The following ZNF212 variants were observed in gnomAD, a reference collection of about 807,000 sequenced individuals.
The protein encoded by ZNF212 is Zinc finger protein C2H2-150.
In ZNF212, 32 loss-of-function variants were observed where a neutral mutation model predicts 47.3. The ratio of observed to expected loss-of-function variants is 0.68; its 90% CI spans 0.51 to 0.91. The LOEUF (loss-of-function observed/expected upper bound fraction) is 0.91, where lower values mean the gene tolerates loss of function less well. Among genes scored for constraint, ZNF212 ranks in the 40% least tolerant of loss-of-function variants. ZNF212 has a pLI of 0.00. For synonymous variants in ZNF212, 242 were observed against 253.8 expected (o/e 0.95, Z 0.44); for missense variants, 555 against 622.8 (o/e 0.89, Z 1.16).
chr7:149,249,719 C>T (rs547872966), intron 1 of ZNF212, among the ~76,000 whole-genome samples: 196 of 152,310 alleles, frequency 1.3e-3, no homozygotes, highest in Non-Finnish European at 1.7e-3. Context: ...CCTCAACCTC[C>T]TGGGCTCAAA....
At chr7:149,250,905 G>A in intron 3 of ZNF212, 98 bp downstream of exon 3, 1 of 1,536,424 alleles carries the variant, frequency 6.5e-7, no homozygotes, top group South Asian at 1.2e-5. Context: ...TCCTGTGGCT[G>A]TGGGTCCTCT....
rs540094435 is a variant in ZNF212, at chr7:149,253,298, G to T, written c.632-261G>T. Among the ~76,000 whole-genome samples the T allele has an allele frequency of 7.9e-5, 12 of 152,278 alleles. No individual in the cohort carries two copies. The East Asian group carries it at 1.5e-3, about 20-fold the overall frequency. ...TTTCACAGGGATTAAATATAAATTTGTAGACAAGCTTGGAGAACTATCATT... is the reference window on the plus strand; with the variant it reads ...TTTCACAGGGATTAAATATAAATTTTTAGACAAGCTTGGAGAACTATCATT... On this transcript the variant is annotated intron_variant, in intron 4 of 4. Transcript: ENST00000335870.
chr7:149,244,405 C>G (rs1001749850), intron 1 of ZNF212, among the ~76,000 whole-genome samples: 1 of 152,080 alleles, frequency 6.6e-6, no homozygotes, highest in African/African-American at 2.4e-5. Flanking sequence ...CTCCGCCTCC[C>G]GGGTTCATGC....
rs1216783093 is a variant in ZNF212, at chr7:149,253,749, T to C, written c.822T>C (p.Val274=). ...GGGACTCTACTCTAGAGGAGCCTGT[T>C]GGTAGTAGAGTTCCTAGCAGCAGCA... The part of the protein sequence containing the change: ...GPGDSTLEEP[V]GSRVPSSSRT... The change falls in exon 5 of 5, where the codon GTT becomes GTC. Residue 274 remains valine, a synonymous_variant. Coordinates refer to ENST00000335870, the MANE Select transcript of ZNF212 (RefSeq NM_012256.4). The C allele has an allele frequency of 1.9e-6, 3 of 1,613,978 alleles. No homozygotes were observed. The highest frequency in any genetic ancestry group is 2.7e-5 in the African/African-American group (2 of 74,922).
Position 149,239,787 on chromosome 7 carries a change from G to A in ZNF212, c.9G>A (p.Glu3=). MA[E]SAPARHRRKR... ...GAGGGGCGACTGGAGCCATGGCGGAGTCGGCGCCTGCTCGGGTAAAGAGGC... is the reference window on the plus strand; with the variant it reads ...GAGGGGCGACTGGAGCCATGGCGGAATCGGCGCCTGCTCGGGTAAAGAGGC... The change falls in exon 1 of 5, where the codon GAG becomes GAA. Residue 3 remains glutamate, a synonymous_variant. Coordinates refer to ENST00000335870, the MANE Select transcript of ZNF212 (RefSeq NM_012256.4). 1.6e-6 allele frequency: 2 copies of A among 1,274,270 alleles called. No homozygotes were observed. The highest frequency in any genetic ancestry group is 2.0e-6 in the Non-Finnish European group (2 of 1,002,496). 78.9% of individuals were successfully genotyped at this position (1,274,270 alleles called of 1,614,324 possible).
rs1317764811 is a variant in ZNF212, at chr7:149,255,117, GCT to G, written c.*706_*707del. On this transcript the variant is annotated 3_prime_UTR_variant, in exon 5 of 5. Transcript: ENST00000335870. ...TAGGTTCCCTCGTGCAGTGCCTGGT[GCT>G]CTCAAATTGTCTCAAAAGGACCAAG... 6.6e-6 allele frequency: 1 copy of G among 152,134 alleles called. No homozygotes were observed. Among genetic ancestry groups the G allele is most frequent in the Non-Finnish European group, 1.5e-5 (1 of 68,062 alleles). 9.4% of individuals were successfully genotyped at this position (152,134 alleles called of 1,614,324 possible).
In ZNF212 at chr7:149,250,707, C is replaced by T. The variant is rs747455275; in HGVS notation, c.441C>T (p.Gly147=). The T allele has an allele frequency of 9.9e-6, 16 of 1,614,154 alleles. No individual in the cohort carries two copies. Among genetic ancestry groups the T allele is most frequent in the Admixed American group, 1.7e-5 (1 of 60,018 alleles). The change falls in exon 3 of 5, where the codon GGC becomes GGT. Residue 147 remains glycine, a synonymous_variant. Coordinates refer to ENST00000335870, the MANE Select transcript of ZNF212 (RefSeq NM_012256.4). ...PKVSRSLEND[G]VCFTEQEWEN... is the part of the protein sequence containing the mutation. ...TGTCCAGGTCACTGGAGAATGATGG[C>T]GTCTGTTTCACCGAGCAGGAATGGG...
chr7:149,241,626 CA>C (rs1319663282), intron 1 of ZNF212, among the ~76,000 whole-genome samples: 1 of 152,158 alleles, frequency 6.6e-6, no homozygotes, highest in East Asian at 1.9e-4. Flanking sequence ...AAACCCTGCA[CA>C]TAAATGCATT....
intron 3 of ZNF212, chr7:149,251,272 C>T: frequency 5.8e-6 from 1 of 173,560 alleles, no homozygotes; most frequent in Non-Finnish European, 1.2e-5. Flanking sequence ...GCAACCTCTG[C>T]CTCACAGGTT....
intron 1 of ZNF212, among the ~76,000 whole-genome samples, chr7:149,244,881 G>T (rs1206328484): frequency 6.6e-6 from 1 of 152,158 alleles, no homozygotes; most frequent in Non-Finnish European, 1.5e-5. Flanking sequence ...ACTTGACAGA[G>T]AGTGGAGCAG....
chr7:149,246,369 T>C (rs1451793076), intron 1 of ZNF212, among the ~76,000 whole-genome samples: 1 of 151,878 alleles, frequency 6.6e-6, no homozygotes, highest in Non-Finnish European at 1.5e-5. Flanking sequence ...TTCCCTCATA[T>C]CCCTTTATAA....
intron 1 of ZNF212, among the ~76,000 whole-genome samples, chr7:149,240,387 C>CCT (rs1554473681): frequency 3.3e-5 from 5 of 149,768 alleles, no homozygotes; most frequent in African/African-American, 9.9e-5. Context: ...CCTTCACCCC[C>CCT]CCCCCAACAC....
chr7:149,247,791 C>T (rs1486508085), intron 1 of ZNF212, among the ~76,000 whole-genome samples: 1 of 152,152 alleles, frequency 6.6e-6, no homozygotes, highest in Non-Finnish European at 1.5e-5. Flanking sequence ...AGTCCAGTCT[C>T]TGCCTTAATC....
At chr7:149,246,532 G>T (rs368043314) in intron 1 of ZNF212, among the ~76,000 whole-genome samples, 2 of 152,236 alleles carry the variant, frequency 1.3e-5, no homozygotes, top group African/African-American at 4.8e-5. Context: ...ACAGGCACCT[G>T]CCACCACACC....
chr7:149,253,788 C>G lies in ZNF212; in HGVS notation c.861C>G (p.Cys287Trp). 6.2e-7 allele frequency: 1 copy of G among 1,614,068 alleles called. No individual in the cohort carries two copies. ...RVPSSSRTVG[C>W]PKQKSHRQVQ... ...CTAGCAGCAGCAGAACTGTGGGCTG[C>G]CCGAAGCAGAAATCTCATAGGCAGG... The change falls in exon 5 of 5, where the codon TGC becomes TGG. Residue 287 changes from cysteine (C) to tryptophan (W), a missense_variant. Coordinates refer to ENST00000335870, the MANE Select transcript of ZNF212 (RefSeq NM_012256.4).
intron 1 of ZNF212, among the ~76,000 whole-genome samples, chr7:149,249,294 G>T (rs865964933): frequency 6.6e-6 from 1 of 152,288 alleles, no homozygotes; most frequent in African/African-American, 2.4e-5. Context: ...GTGCAAAGAT[G>T]AATGAATTAG....
In ZNF212 at chr7:149,250,447, G is replaced by C. The variant is rs755893845; in HGVS notation, c.313G>C (p.Gly105Arg). 9.9e-6 allele frequency: 16 copies of C among 1,614,068 alleles called. 1 individual carries two copies. In the East Asian group the frequency reaches 3.3e-4, roughly 34 times the overall value. Reference sequence around the variant, plus strand: ...GCTGGGGACCCTGCTGCAGGAGTATGGGCTACTGCAGAGGCGGCTGGAGAA... The same window carrying C: ...GCTGGGGACCCTGCTGCAGGAGTATCGGCTACTGCAGAGGCGGCTGGAGAA... ...AVLGTLLQEY[G>R]LLQRRLENVE... Residue 105 changes from glycine to arginine, a missense_variant, in exon 2 of 5, where the codon GGG (glycine) becomes CGG (arginine). Physicochemically the swap from Gly to Arg is moderately radical, Grantham distance 125. Transcript: ENST00000335870.
chr7:149,251,939 C>CT lies in ZNF212; in HGVS notation c.542-765dup, dbSNP rs1186054259. On this transcript the variant is annotated intron_variant, in intron 3 of 4. Transcript: ENST00000335870. ...GGTCGACATAGTGAGATCTCTGTTGCTTAAAAAAAAAAAAAAAAAAAAAAG... is the reference window on the plus strand; with the variant it reads ...GGTCGACATAGTGAGATCTCTGTTGCTTTAAAAAAAAAAAAAAAAAAAAAAG... Among the ~76,000 whole-genome samples the CT allele has an allele frequency of 5.1e-3, 470 of 91,280 alleles. 3 individuals carry two copies. Among genetic ancestry groups the CT allele is most frequent in the African/African-American group, 0.018 (436 of 23,898 alleles). 59.9% of individuals were successfully genotyped at this position (91,280 alleles called of 152,430 possible).
chr7:149,240,124 G>A (rs1796566180), intron 1 of ZNF212: 1 of 319,922 alleles, frequency 3.1e-6, no homozygotes, highest in Non-Finnish European at 5.7e-6. Context: ...TCCCAGGTTG[G>A]AGTGTTTCCA....
Sources: allele counts gnomAD v4.1 joint callset (sites outside exome capture counted in the v4.1 genomes callset), GRCh38; gene constraint gnomAD v4.1.1; transcripts MANE v1.5; gene names NCBI Gene and HGNC (gene_info 2026-07-23, HGNC 2026-07-21).